Variants in GPCPD1 observed in about 807,000 individuals in gnomAD.
The protein encoded by GPCPD1 is glycerophosphocholine phosphodiesterase 1.
A neutral mutation model predicts 89.2 loss-of-function variants in GPCPD1; 29 were observed. The ratio of observed to expected loss-of-function variants is 0.33; its 90% CI spans 0.24 to 0.44. GPCPD1 has a LOEUF of 0.44. Among genes scored for constraint, GPCPD1 ranks in the 20% least tolerant of loss-of-function variants. The pLI is 1.00. For synonymous variants in GPCPD1, 258 were observed against 266.3 expected, an observed-to-expected ratio of 0.97 and a Z score of 0.30; for missense variants, 594 against 808.9, an observed-to-expected ratio of 0.73 and a Z score of 3.22.
chr20:5,576,074 C>A, intron 8 of GPCPD1, 96 bp from the exon 9 acceptor site: 2 of 528,434 alleles, frequency 3.8e-6, no homozygotes, highest in South Asian at 8.4e-5. Context: ...CACACACACA[C>A]ATATCTCCTA....
intron 6 of GPCPD1, among the ~76,000 whole-genome samples, chr20:5,580,567 T>C (rs979104956): frequency 3.3e-5 from 5 of 151,092 alleles, no homozygotes; most frequent in East Asian, 2.0e-4. Context: ...CTACTACAAA[T>C]ACAAAAAAAA....
In GPCPD1 at chr20:5,558,652, A is replaced by T. The variant is rs760190153; in HGVS notation, c.1668+32T>A. 11 of 1,330,272 alleles carry T rather than the reference A, an allele frequency of 8.3e-6. No individual in the cohort carries two copies. In the South Asian group the frequency reaches 1.4e-4, roughly 17 times the overall value. 82.4% of individuals were successfully genotyped at this position (1,330,272 alleles called of 1,614,324 possible). On this transcript the variant is annotated intron_variant, in intron 18 of 19. Transcript: ENST00000379019. ...ACTACTCCAAAATAGAAAACAGAAC[A>T]TTAAAAAGATAAAAATTCAAACATA...
At chr20:5,602,819 C>G (rs1345617645) in intron 2 of GPCPD1, among the ~76,000 whole-genome samples, 1 of 151,908 alleles carries the variant, frequency 6.6e-6, no homozygotes, top group Admixed American at 6.6e-5. Flanking sequence ...CCCATCTCTA[C>G]AAAAAATACA....
At chr20:5,553,620 G>C (rs1327567150) in intron 19 of GPCPD1, among the ~76,000 whole-genome samples, 1 of 152,206 alleles carries the variant, frequency 6.6e-6, no homozygotes, top group African/African-American at 2.4e-5. Flanking sequence ...TGCTACTACA[G>C]TGAACACAAC....
rs772485059 is a variant in GPCPD1, at chr20:5,558,793, G to A, written c.1559C>T (p.Pro520Leu). 1.3e-6 allele frequency: 2 copies of A among 1,572,194 alleles called. No homozygotes were observed. The highest frequency in any genetic ancestry group is 1.7e-6 in the Non-Finnish European group (2 of 1,156,064). ...TMVRQKQNKY[P>L]ILFLTQGKSE... ...TTTTCCTTGAGTTAAAAATAGTATCGGATATTTGTTCTGCTTTTGCCGAAC... is the reference window on the plus strand; with the variant it reads ...TTTTCCTTGAGTTAAAAATAGTATCAGATATTTGTTCTGCTTTTGCCGAAC... The change falls in exon 18 of 20, where the codon CCG becomes CTG. Residue 520 changes from proline to leucine, a missense_variant. Transcript: ENST00000379019.
chr20:5,598,542 TAA>T (rs1443054902), intron 3 of GPCPD1, among the ~76,000 whole-genome samples, 181 bp downstream of exon 3: 8 of 149,838 alleles, frequency 5.3e-5, no homozygotes, highest in African/African-American at 2.0e-4. Context: ...GGATTAACAG[TAA>T]GAGAGGAACC....
At chr20:5,555,245 A>T (rs1049350991) in intron 19 of GPCPD1, among the ~76,000 whole-genome samples, 1 of 152,228 alleles carries the variant, frequency 6.6e-6, no homozygotes, top group Non-Finnish European at 1.5e-5. Context: ...TTAAAGATGT[A>T]CTTACTACTG....
At position 5,558,033 on chromosome 20, in the gene GPCPD1, C is replaced by G. The variant is rs532239169; in HGVS notation, c.1741G>C (p.Val581Leu). 2.5e-6 allele frequency: 4 copies of G among 1,597,202 alleles called. No homozygotes were observed. Among genetic ancestry groups the G allele is most frequent in the Non-Finnish European group, 3.4e-6 (4 of 1,164,928 alleles). ...GTATCATCACCCCAGCAGAATATGA[C>G]TAGTCCCTTAGCTTTTGCCTCTTGA... ...YIQEAKAKGLVIFCWGDDTND... is the reference protein window; with the variant it reads ...YIQEAKAKGLLIFCWGDDTND... The change falls in exon 19 of 20, where the codon GTC becomes CTC. Residue 581 changes from valine (V) to leucine (L), a missense_variant. Physicochemically the swap from Val to Leu is conservative, Grantham distance 32. Transcript: ENST00000379019.
chr20:5,601,605 A>G (rs1165660219), intron 2 of GPCPD1, among the ~76,000 whole-genome samples: 2 of 151,866 alleles, frequency 1.3e-5, no homozygotes. Flanking sequence ...CTGACCTCAG[A>G]TGATCCACCC....
intron 2 of GPCPD1, among the ~76,000 whole-genome samples, chr20:5,600,873 G>A (rs1980083832): frequency 2.0e-5 from 3 of 151,090 alleles, no homozygotes; most frequent in African/African-American, 7.3e-5. Context: ...ACCTGTAATC[G>A]CAACTACTCA....
Position 5,547,631 on chromosome 20 carries a change from G to C in GPCPD1, c.*30C>G, listed in dbSNP as rs182378290. ...ATGAATACCCAGAACAGCGGTGCAC[G>C]CCCCCAAAATGACCTCTGTGCAATA... On this transcript the variant is annotated 3_prime_UTR_variant, in exon 20 of 20. Coordinates refer to ENST00000379019, the MANE Select transcript of GPCPD1 (RefSeq NM_019593.5). 2 of 1,272,272 alleles carry C rather than the reference G, an allele frequency of 1.6e-6. No homozygotes were observed. The highest frequency in any genetic ancestry group is 2.3e-6 in the Non-Finnish European group (2 of 884,840). The allele number at this position is 1,272,272 out of a possible 1,614,324, so 78.8% of individuals were successfully genotyped here. A position where few individuals can be genotyped will look rare whatever the true frequency, so the allele number is the denominator to read the frequency against.
chr20:5,579,602 C>T (rs976204597), intron 7 of GPCPD1, among the ~76,000 whole-genome samples: 29 of 152,316 alleles, frequency 1.9e-4, no homozygotes, highest in African/African-American at 6.7e-4. Flanking sequence ...CCCACCTCGG[C>T]CTCCCAAAGT....
At chr20:5,599,124 CCA>C (rs1979945784) in intron 2 of GPCPD1, among the ~76,000 whole-genome samples, 2 of 152,326 alleles carry the variant, frequency 1.3e-5, no homozygotes, top group African/African-American at 4.8e-5. Context: ...AGGGATAAAA[CCA>C]CAGTCTCTGC....
intron 4 of GPCPD1, among the ~76,000 whole-genome samples, chr20:5,590,283 G>A (rs1021374222): frequency 2.0e-5 from 3 of 152,068 alleles, no homozygotes; most frequent in African/African-American, 7.2e-5. Context: ...GCTCCTGCTT[G>A]TAATCCCAGC....
At chr20:5,567,398 G>A (rs976693451) in intron 13 of GPCPD1, 85 bp downstream of exon 13, 3 of 1,424,202 alleles carry the variant, frequency 2.1e-6, no homozygotes, top group Middle Eastern at 1.9e-4. Context: ...TCATCCCCAT[G>A]TGCAAAGAGA....
intron 16 of GPCPD1, 87 bp from the exon 17 acceptor site, chr20:5,560,163 G>GA (rs1986007361): frequency 1.1e-6 from 1 of 871,618 alleles, no homozygotes; most frequent in African/African-American, 1.7e-5. Context: ...AAGCTATGAT[G>GA]AAAAAACCCC....
chr20:5,588,911 CTG>C (rs1269109407), intron 4 of GPCPD1, among the ~76,000 whole-genome samples: 1 of 151,974 alleles, frequency 6.6e-6, no homozygotes, highest in African/African-American at 2.4e-5. Flanking sequence ...GCATAGCAGA[CTG>C]TTTGTTTTGT....
At chr20:5,568,429 T>G (rs1490259659) in intron 12 of GPCPD1, among the ~76,000 whole-genome samples, 5 of 152,070 alleles carry the variant, frequency 3.3e-5, no homozygotes, top group Admixed American at 1.3e-4. Context: ...ATACTTTTTT[T>G]TTTTCTAATG....
At chr20:5,554,647 G>A (rs993060749) in intron 19 of GPCPD1, among the ~76,000 whole-genome samples, 1 of 152,144 alleles carries the variant, frequency 6.6e-6, no homozygotes, top group Non-Finnish European at 1.5e-5. Context: ...AATGCACCTG[G>A]TCACCCAAGA....
Sources: gnomAD v4.1 joint callset for allele counts (sites outside exome capture counted in the v4.1 genomes callset) on GRCh38, gnomAD v4.1.1 for gene constraint, MANE v1.5 for transcripts, NCBI Gene and HGNC (gene_info 2026-07-23, HGNC 2026-07-21) for gene names.